Variants in PCDH15 observed in about 807,000 individuals in gnomAD.
The protein encoded by PCDH15 is protocadherin related 15, also known as protocadherin-15.
In PCDH15, 129 loss-of-function variants were observed where a neutral mutation model predicts 178.5. The observed-to-expected ratio is 0.72, with a 90% CI of 0.63 to 0.84. The LOEUF (loss-of-function observed/expected upper bound fraction) is 0.84, where lower values mean the gene tolerates loss of function less well. PCDH15 is among the 40% of genes least tolerant of loss of function. PCDH15 has a pLI of 0.00. For missense variants in PCDH15, 2,230 were observed against 2,099.9 expected (o/e 1.06, Z -1.21); for synonymous variants, 800 against 732.0 (o/e 1.09, Z -1.50).
intron 2 of PCDH15, among the ~76,000 whole-genome samples, chr10:55,586,321 G>A (rs963965227): frequency 4.0e-5 from 6 of 151,728 alleles, no homozygotes; most frequent in African/African-American, 1.5e-4. Context: ...AATATTTTAA[G>A]TAATTTCTAT....
intron 2 of PCDH15, among the ~76,000 whole-genome samples, chr10:55,333,100 A>G (rs1440582722): frequency 1.3e-5 from 2 of 152,214 alleles, no homozygotes; most frequent in Non-Finnish European, 2.9e-5. Context: ...ATATAATAAA[A>G]TAATGTGGTA....
chr10:54,579,625 A>T (rs186201122), intron 2 of PCDH15, among the ~76,000 whole-genome samples: 163 of 152,234 alleles, frequency 1.1e-3, no homozygotes, highest in African/African-American at 3.9e-3. Context: ...ACACTTCACC[A>T]GTTGGACCTA....
At chr10:55,033,062 T>A (rs575987915) in intron 2 of PCDH15, among the ~76,000 whole-genome samples, 2 of 152,166 alleles carry the variant, frequency 1.3e-5, no homozygotes, top group East Asian at 3.9e-4. Flanking sequence ...GCAGAGTGCA[T>A]GAGCTGTGGA....
chr10:55,554,212 G>T (rs552795408), intron 2 of PCDH15, among the ~76,000 whole-genome samples: 1 of 152,142 alleles, frequency 6.6e-6, no homozygotes, highest in South Asian at 2.1e-4. Flanking sequence ...GCATTAGGAA[G>T]CTGCAACATT....
At chr10:55,288,114 ATTC>A (rs1842918335) in intron 1 of PCDH15, among the ~76,000 whole-genome samples, 1 of 150,868 alleles carries the variant, frequency 6.6e-6, no homozygotes, top group African/African-American at 2.4e-5. Context: ...CTCTAAAAAT[ATTC>A]TTCTGTTTTT....
chr10:53,874,336 T>C (rs2080076075), intron 26 of PCDH15, among the ~76,000 whole-genome samples: 1 of 152,150 alleles, frequency 6.6e-6, no homozygotes, highest in Admixed American at 6.6e-5. Context: ...CACCCCAAAC[T>C]GCAACGAAAA....
chr10:55,475,254 T>A (rs2132111541), intron 2 of PCDH15, among the ~76,000 whole-genome samples: 1 of 152,212 alleles, frequency 6.6e-6, no homozygotes, highest in East Asian at 1.9e-4. Flanking sequence ...TTATGCCCCA[T>A]CTTCAACATA....
chr10:54,260,584 T>C lies in PCDH15; in HGVS notation c.877-23653A>G, dbSNP rs930081941. ...CTGTGTTGATTTTTATGCTTTTATG[T>C]TTCTTTCTTTTTTTGAGACAGAGTC... On this transcript the variant is annotated intron_variant, in intron 8 of 37. Transcript: ENST00000644397. 2.6e-5 allele frequency among the ~76,000 whole-genome samples: 4 copies of C among 152,174 alleles called. No individual in the cohort carries two copies. The East Asian group carries it at 7.8e-4, about 29-fold the overall frequency.
rs373543802 is a variant in PCDH15, at chr10:55,160,566, A to C, written c.-80+6010T>G. ...ATATGCACCATTCTTACCTAAGGGCAAATGGGCCCCTCTCAATCAAAGAAT... is the reference window on the plus strand; with the variant it reads ...ATATGCACCATTCTTACCTAAGGGCCAATGGGCCCCTCTCAATCAAAGAAT... On this transcript the variant is annotated intron_variant, in intron 2 of 5. Transcript: ENST00000458638. Among the ~76,000 whole-genome samples, 129 of 152,046 alleles carry C rather than the reference A, an allele frequency of 8.5e-4. 1 individual carries two copies. The South Asian group carries it at 0.025, about 30-fold the overall frequency.
At chr10:55,055,410 C>T (rs991440368) in intron 2 of PCDH15, among the ~76,000 whole-genome samples, 3 of 152,120 alleles carry the variant, frequency 2.0e-5, no homozygotes, top group Non-Finnish European at 4.4e-5. Context: ...ACATGAGTGC[C>T]TTTTGCTATC....
At chr10:55,140,782 T>A (rs945647559) in intron 2 of PCDH15, among the ~76,000 whole-genome samples, 1 of 152,000 alleles carries the variant, frequency 6.6e-6, no homozygotes, top group African/African-American at 2.4e-5. Context: ...TTTAGAGTTA[T>A]TGGGCTATGA....
At chr10:55,582,628 A>ATATATATATATTTTTTTTTT (rs780312007) in intron 2 of PCDH15, among the ~76,000 whole-genome samples, 1 of 69,032 alleles carries the variant, frequency 1.4e-5, no homozygotes, top group African/African-American at 6.6e-5. Flanking sequence ...ATATATATAT[A>ATATATATATATTTTTTTTTT]TTTTTTTTTT....
At chr10:55,266,439 G>A (rs967710598) in intron 1 of PCDH15, among the ~76,000 whole-genome samples, 4 of 152,172 alleles carry the variant, frequency 2.6e-5, no homozygotes, top group African/African-American at 2.4e-5. Context: ...GACACAGGAG[G>A]GGAGCATGGG....
chr10:54,370,489 C>T (rs921023917), intron 4 of PCDH15, among the ~76,000 whole-genome samples: 2 of 151,960 alleles, frequency 1.3e-5, no homozygotes, highest in African/African-American at 4.8e-5. Context: ...TAGTATCCCT[C>T]TTTCCAGTAA....
chr10:54,593,821 G>A (rs1290159705), intron 2 of PCDH15, among the ~76,000 whole-genome samples: 1 of 151,904 alleles, frequency 6.6e-6, no homozygotes, highest in Admixed American at 6.6e-5. Flanking sequence ...TATTTTCCAT[G>A]GATGAATGTT....
chr10:54,174,023 T>C (rs2133669026), intron 13 of PCDH15, among the ~76,000 whole-genome samples: 1 of 152,290 alleles, frequency 6.6e-6, no homozygotes, highest in Non-Finnish European at 1.5e-5. Flanking sequence ...GTGAAGAAAT[T>C]GAACGCTAAT....
chr10:54,655,189 C>CA (rs2094351780), intron 2 of PCDH15, among the ~76,000 whole-genome samples: 3 of 144,226 alleles, frequency 2.1e-5, no homozygotes, highest in Middle Eastern at 3.5e-3. Flanking sequence ...CCAGCCTGGG[C>CA]ACAGAGCGAG....
intron 2 of PCDH15, among the ~76,000 whole-genome samples, chr10:54,572,469 T>C (rs2089966828): frequency 1.3e-5 from 2 of 152,120 alleles, no homozygotes; most frequent in Non-Finnish European, 2.9e-5. Context: ...TTTAAGAACT[T>C]TCCAAATGAA....
chr10:54,747,110 CA>C, intron 1 of PCDH15, among the ~76,000 whole-genome samples: 1 of 152,180 alleles, frequency 6.6e-6, no homozygotes, highest in African/African-American at 2.4e-5. Flanking sequence ...AACTGCTTAG[CA>C]CATACCACAT....
Sources: gnomAD v4.1 joint callset for allele counts (sites outside exome capture counted in the v4.1 genomes callset) on GRCh38, gnomAD v4.1.1 for gene constraint, MANE v1.5 for transcripts, NCBI Gene and HGNC (gene_info 2026-07-23, HGNC 2026-07-21) for gene names.